Variants in ZNF652 observed in about 807,000 individuals in gnomAD.
ZNF652 encodes zinc finger protein 652.
In ZNF652, 16 loss-of-function variants were observed where a neutral mutation model predicts 45.2. That is an observed-to-expected ratio of 0.35 (90% CI 0.24 to 0.54). The LOEUF (loss-of-function observed/expected upper bound fraction) is 0.54. Ranked by LOEUF, ZNF652 falls within the 20% of genes least tolerant of loss-of-function variation. The pLI is 0.91. For missense variants in ZNF652, 614 were observed against 765.6 expected (o/e 0.80, Z 2.34); for synonymous variants, 250 against 260.6 (o/e 0.96, Z 0.39).
intron 1 of ZNF652, among the ~76,000 whole-genome samples, chr17:49,333,651 C>T (rs1345481135): frequency 7.5e-6 from 1 of 134,172 alleles, no homozygotes; most frequent in Non-Finnish European, 1.5e-5. Flanking sequence ...ACCCAGGAGG[C>T]GGAGCTTGCA....
At chr17:49,336,630 C>CT (rs35620384) in intron 1 of ZNF652, among the ~76,000 whole-genome samples, 12,394 of 141,652 alleles carry the variant, frequency 0.087, 579 homozygotes, top group South Asian at 0.12. Flanking sequence ...CGGCCTTTTA[C>CT]TTTTTTTTTT....
At chr17:49,341,028 C>T (rs1363743255) in intron 1 of ZNF652, among the ~76,000 whole-genome samples, 2 of 152,032 alleles carry the variant, frequency 1.3e-5, no homozygotes, top group African/African-American at 4.8e-5. Flanking sequence ...TCAGTCTAAC[C>T]AGCATGGTGA....
chr17:49,350,163 G>A (rs534442421), intron 1 of ZNF652, among the ~76,000 whole-genome samples: 1 of 152,110 alleles, frequency 6.6e-6, no homozygotes, highest in South Asian at 2.1e-4. Flanking sequence ...TTTAACAAAA[G>A]AAACCATGAG....
At chr17:49,341,739 T>C (rs1206146685) in intron 1 of ZNF652, among the ~76,000 whole-genome samples, 3 of 152,200 alleles carry the variant, frequency 2.0e-5, no homozygotes, top group African/African-American at 4.8e-5. Context: ...AATTTTCTCT[T>C]GGTTATATTA....
chr17:49,301,853 C>G (rs1022978520), intron 5 of ZNF652, among the ~76,000 whole-genome samples: 2 of 151,890 alleles, frequency 1.3e-5, no homozygotes, highest in Non-Finnish European at 2.9e-5. Flanking sequence ...ACAGTGGCAC[C>G]CTGTCTATAT....
intron 1 of ZNF652, among the ~76,000 whole-genome samples, chr17:49,343,431 G>A (rs192708493): frequency 3.9e-5 from 6 of 152,152 alleles, no homozygotes; most frequent in East Asian, 1.9e-4. Context: ...ATTAGCCTAC[G>A]AACACCAAAG....
In ZNF652 at chr17:49,290,512, T is replaced by G. The variant is rs2069391349; in HGVS notation, c.*7901A>C. 1 of 152,260 alleles carries G rather than the reference T, an allele frequency of 6.6e-6. No homozygotes were observed. Among genetic ancestry groups the G allele is most frequent in the African/African-American group, 2.4e-5 (1 of 41,458 alleles). The allele number at this position is 152,260 out of a possible 1,614,324, so 9.4% of individuals were successfully genotyped here. ...AGCAGAGAAGGTGAGAAGCATTTCC[T>G]TACTCATACTCCAGAGTTCCCCCAG... On this transcript the variant is annotated 3_prime_UTR_variant, in exon 6 of 6. Coordinates refer to ENST00000430262, the MANE Select transcript of ZNF652 (RefSeq NM_001145365.3).
At chr17:49,342,728 G>A (rs2143033633) in intron 1 of ZNF652, among the ~76,000 whole-genome samples, 1 of 152,144 alleles carries the variant, frequency 6.6e-6, no homozygotes, top group South Asian at 2.1e-4. Context: ...TAGAACATGT[G>A]ACAATTTAAT....
intron 1 of ZNF652, among the ~76,000 whole-genome samples, chr17:49,328,148 A>C (rs1479313703): frequency 6.6e-6 from 1 of 152,102 alleles, no homozygotes; most frequent in East Asian, 1.9e-4. Flanking sequence ...AAGCACTATT[A>C]TAAGTATTTG....
chr17:49,315,495 GT>G (rs1438632667), intron 2 of ZNF652, among the ~76,000 whole-genome samples: 2 of 151,494 alleles, frequency 1.3e-5, no homozygotes, highest in Non-Finnish European at 1.5e-5. Context: ...ATGAAGAATC[GT>G]GAGGAAAGTC....
chr17:49,293,249 T>C lies in ZNF652; in HGVS notation c.*5164A>G, dbSNP rs1031498689. Among the ~76,000 whole-genome samples, 6 of 152,216 alleles carry C rather than the reference T, an allele frequency of 3.9e-5. No homozygotes were observed. Among genetic ancestry groups the C allele is most frequent in the Admixed American group, 3.9e-4 (6 of 15,278 alleles). ...TTTCCAAATATGTATGTCTGCAAAG[T>C]ATTCTGACTTAAGTAAAGAATTTGA... On this transcript the variant is annotated 3_prime_UTR_variant, in exon 6 of 6. Coordinates refer to ENST00000430262, the MANE Select transcript of ZNF652 (RefSeq NM_001145365.3).
chr17:49,302,624 A>G (rs1350609522), intron 5 of ZNF652, among the ~76,000 whole-genome samples: 1 of 152,028 alleles, frequency 6.6e-6, no homozygotes, highest in Non-Finnish European at 1.5e-5. Context: ...TGTATAATCT[A>G]TTAAGTTTAT....
At chr17:49,329,636 T>C (rs1313194978) in intron 1 of ZNF652, among the ~76,000 whole-genome samples, 1 of 152,252 alleles carries the variant, frequency 6.6e-6, no homozygotes, top group African/African-American at 2.4e-5. Flanking sequence ...TAATCCACTC[T>C]CTGTAAGAAG....
chr17:49,328,096 G>A (rs138748629), intron 1 of ZNF652, among the ~76,000 whole-genome samples: 143 of 151,856 alleles, frequency 9.4e-4, no homozygotes, highest in African/African-American at 3.2e-3. Flanking sequence ...TCTACCTCAT[G>A]GATTACTGGT....
chr17:49,351,186 A>C (rs1413414070), intron 1 of ZNF652, among the ~76,000 whole-genome samples: 1 of 151,842 alleles, frequency 6.6e-6, no homozygotes, highest in African/African-American at 2.4e-5. Flanking sequence ...AAACACGTGT[A>C]AGTATGCTTT....
chr17:49,343,725 G>A (rs2070173335), intron 1 of ZNF652, among the ~76,000 whole-genome samples: 2 of 150,484 alleles, frequency 1.3e-5, no homozygotes, highest in East Asian at 3.9e-4. Flanking sequence ...GGATGTGACC[G>A]AGCAGGCTGC....
At chr17:49,356,369 C>T (rs751582592) in intron 1 of ZNF652, among the ~76,000 whole-genome samples, 3 of 118,128 alleles carry the variant, frequency 2.5e-5, no homozygotes, top group Non-Finnish European at 4.8e-5. Flanking sequence ...GCGGAGGCTG[C>T]AATGAGCCGA....
In ZNF652 at chr17:49,312,822, G is replaced by C; in HGVS notation, c.924C>G (p.Phe308Leu). ...NIQCVSCNKS[F>L]KKLWSLHEHI... ...GTTCATGAAGGGACCAGAGTTTCTT[G>C]AACGATTTGTTACAGGAAACACACT... Residue 308 changes from phenylalanine to leucine, a missense_variant, in exon 3 of 6, where the codon TTC becomes TTG. Coordinates refer to ENST00000430262, the MANE Select transcript of ZNF652 (RefSeq NM_001145365.3). 4 of 1,613,822 alleles carry C rather than the reference G, an allele frequency of 2.5e-6. No individual in the cohort carries two copies. The highest frequency in any genetic ancestry group is 3.4e-6 in the Non-Finnish European group (4 of 1,179,890).
chr17:49,339,157 A>C (rs1232072494), intron 1 of ZNF652, among the ~76,000 whole-genome samples: 1 of 151,372 alleles, frequency 6.6e-6, no homozygotes, highest in East Asian at 1.9e-4. Context: ...GAACAGAGCT[A>C]GAGTAGAACT....
Sources: allele counts gnomAD v4.1 joint callset (sites outside exome capture counted in the v4.1 genomes callset), GRCh38; gene constraint gnomAD v4.1.1; transcripts MANE v1.5; gene names NCBI Gene and HGNC (gene_info 2026-07-23, HGNC 2026-07-21).